NAB1: variants seen among roughly 807,000 people sequenced by gnomAD.
NAB1 encodes NGFI-A binding protein 1, also known as NGFI-A-binding protein 1.
NAB1 carries 25 observed loss-of-function variants against 49.9 expected under a neutral mutation model. That is an observed-to-expected ratio of 0.50 (90% CI 0.37 to 0.70). NAB1 has a LOEUF of 0.70. NAB1 is among the 30% of genes least tolerant of loss of function. The pLI is 0.00. For synonymous variants in NAB1, 198 were observed against 215.6 expected (o/e 0.92, Z 0.71); for missense variants, 489 against 575.9 (o/e 0.85, Z 1.54).
At chr2:190,655,240 C>T (rs1301222886) in intron 2 of NAB1, among the ~76,000 whole-genome samples, 2 of 152,148 alleles carry the variant, frequency 1.3e-5, no homozygotes, top group Admixed American at 6.5e-5. Context: ...GCAAAGTAGA[C>T]GTGTGTGAGA....
chr2:190,673,455 G>A (rs531128230), intron 6 of NAB1, among the ~76,000 whole-genome samples: 8 of 152,110 alleles, frequency 5.3e-5, no homozygotes, highest in Non-Finnish European at 7.4e-5. Flanking sequence ...TCCCTCCTTG[G>A]CCTCCCAAAA....
Position 190,657,092 on chromosome 2 carries a change from G to A in NAB1, c.-20+939G>A, listed in dbSNP as rs1283394795. ...AGCCTATGGAGGAATTGCACGAGGT[G>A]TATGATAGGAAAGTAAATGTCCTTT... On this transcript the variant is annotated intron_variant, in intron 3 of 9. Coordinates refer to ENST00000337386, the MANE Select transcript of NAB1 (RefSeq NM_005966.4). The surrounding 1 kb of genome is among the most constrained non-coding windows in gnomAD (Gnocchi z 4.4). Among the ~76,000 whole-genome samples the A allele has an allele frequency of 1.3e-5, 2 of 152,132 alleles. No individual in the cohort carries two copies. The highest frequency in any genetic ancestry group is 4.1e-4 in the South Asian group (2 of 4,824).
At chr2:190,672,211 A>AT (rs1198592630) in intron 5 of NAB1, among the ~76,000 whole-genome samples, 4 of 152,110 alleles carry the variant, frequency 2.6e-5, no homozygotes, top group African/African-American at 9.7e-5. Context: ...ATGTGCTGTG[A>AT]TTCATTTAGC....
Position 190,683,756 on chromosome 2 carries a change from C to T in NAB1, c.1024C>T (p.Gln342Ter). The part of the protein sequence containing the change: ...IKVEDGFPDF[Q>*]DSVQTLFQQA... ...CCCACAGGATGGGTTTCCAGATTTC[C>T]AGGATTCTGTGCAAACACTCTTCCA... Residue 342 changes from glutamine (Q) to a stop codon, truncating the protein, a stop_gained, in exon 7 of 10, where the codon CAG (glutamine) becomes TAG (stop). Transcript: ENST00000337386. LOFTEE classifies it high-confidence loss of function. The T allele has an allele frequency of 6.2e-7, 1 of 1,612,966 alleles. No individual in the cohort carries two copies. The highest frequency in any genetic ancestry group is 8.5e-7 in the Non-Finnish European group (1 of 1,179,680).
intron 5 of NAB1, 34 bp from the exon 6 acceptor site, chr2:190,673,067 G>GTTTTT: frequency 3.4e-6 from 5 of 1,472,018 alleles, no homozygotes; most frequent in Admixed American, 2.0e-5. Flanking sequence ...ACTTTCTCAA[G>GTTTTT]TTTTTTTTTT....
At chr2:190,683,510 A>G (rs1261899522) in intron 6 of NAB1, among the ~76,000 whole-genome samples, 1 of 151,884 alleles carries the variant, frequency 6.6e-6, no homozygotes, top group Admixed American at 6.6e-5. Flanking sequence ...GTGTAAAACA[A>G]TAGGAATGAT....
rs1695637621 is a variant in NAB1 at position 190,686,963 on chromosome 2, T to C, written c.1259-238T>C. On this transcript the variant is annotated intron_variant, in intron 8 of 9. Coordinates refer to ENST00000337386, the MANE Select transcript of NAB1 (RefSeq NM_005966.4). This position sits in a 1 kb window ranked among gnomAD's most constrained non-coding sequence, Gnocchi z 5.5. The stretch of plus-strand genomic sequence containing the variant: ...ATGCTCACAGGAATTCTCAGTCTTT[T>C]GTTTAGCTCTTAAAAATATCCTGGC... Among the ~76,000 whole-genome samples, 1 of 152,208 alleles carries C rather than the reference T, an allele frequency of 6.6e-6. No homozygotes were observed. Among genetic ancestry groups the C allele is most frequent in the Admixed American group, 6.5e-5 (1 of 15,280 alleles).
At position 190,665,625 on chromosome 2, in the gene NAB1, A is replaced by C. The variant is rs1694477676; in HGVS notation, c.820-4701A>C. On this transcript the variant is annotated intron_variant, in intron 4 of 9. Transcript: ENST00000337386. ...GAGAACATTTGGAGTCCCGGGAAGAAAGTGAATTCCCTAGAGGTTATTTGC... is the reference window on the plus strand; with the variant it reads ...GAGAACATTTGGAGTCCCGGGAAGACAGTGAATTCCCTAGAGGTTATTTGC... 2.6e-5 allele frequency among the ~76,000 whole-genome samples: 4 copies of C among 152,314 alleles called. No homozygotes were observed. In the South Asian group the frequency reaches 8.3e-4, roughly 32 times the overall value.
rs1042923622 is a variant in NAB1, at chr2:190,686,697, A to G, written c.1259-504A>G. The stretch of plus-strand genomic sequence containing the variant: ...ATTCAGTGTGGGGTGACAATTTGCT[A>G]ATGTGATGGATTTCAGTACATGACA... On this transcript the variant is annotated intron_variant, in intron 8 of 9. Coordinates refer to ENST00000337386, the MANE Select transcript of NAB1 (RefSeq NM_005966.4). The surrounding 1 kb of genome is among the most constrained non-coding windows in gnomAD (Gnocchi z 5.5). Among the ~76,000 whole-genome samples the G allele has an allele frequency of 6.6e-6, 1 of 152,194 alleles. No homozygotes were observed. Among genetic ancestry groups the G allele is most frequent in the African/African-American group, 2.4e-5 (1 of 41,454 alleles).
chr2:190,688,836 TC>T (rs1464612019), intron 9 of NAB1, among the ~76,000 whole-genome samples: 1 of 151,566 alleles, frequency 6.6e-6, no homozygotes, highest in Non-Finnish European at 1.5e-5. Flanking sequence ...TCTTTTCTTT[TC>T]TTCCTTTCTT....
In NAB1 at chr2:190,670,218, T is replaced by C. The variant is rs138613043; in HGVS notation, c.820-108T>C. 6.5e-4 allele frequency: 680 copies of C among 1,042,150 alleles called. 1 individual carries two copies. In the African/African-American group the frequency reaches 7.1e-3, roughly 11 times the overall value. 64.6% of individuals were successfully genotyped at this position (1,042,150 alleles called of 1,614,324 possible). On this transcript the variant is annotated intron_variant, in intron 4 of 9. Coordinates refer to ENST00000337386, the MANE Select transcript of NAB1 (RefSeq NM_005966.4). This position sits in a 1 kb window ranked among gnomAD's most constrained non-coding sequence, Gnocchi z 5.3. The stretch of plus-strand genomic sequence containing the variant: ...ATACCATTCTGATTTTTATGAATAA[T>C]GATTCCATTATATAATGGTGTAACA...
rs1695066080 is a variant in NAB1 at position 190,676,262 on chromosome 2, A to G, written c.1005+3110A>G. ...TAGCATGGGCAAAGACAGAGGTAAG[A>G]AAATACTAAGCATGTTCAGAGAACA... On this transcript the variant is annotated intron_variant, in intron 6 of 9. Transcript: ENST00000337386. This position sits in a 1 kb window ranked among gnomAD's most constrained non-coding sequence, Gnocchi z 4.6. Among the ~76,000 whole-genome samples, 1 of 152,208 alleles carries G rather than the reference A, an allele frequency of 6.6e-6. No individual in the cohort carries two copies. Among genetic ancestry groups the G allele is most frequent in the African/African-American group, 2.4e-5 (1 of 41,456 alleles).
intron 4 of NAB1, among the ~76,000 whole-genome samples, chr2:190,660,225 G>A (rs1694152086): frequency 6.9e-6 from 1 of 144,558 alleles, no homozygotes; most frequent in Non-Finnish European, 1.6e-5. Context: ...ACTACAGTAC[G>A]AGGTGACTTT....
At chr2:190,650,577 A>G (rs1281932456) in intron 2 of NAB1, among the ~76,000 whole-genome samples, 1 of 152,172 alleles carries the variant, frequency 6.6e-6, no homozygotes, top group Non-Finnish European at 1.5e-5. Context: ...CTGAATTATG[A>G]TATTTCATAA....
intron 2 of NAB1, among the ~76,000 whole-genome samples, chr2:190,650,565 T>C (rs4371385): frequency 6.6e-6 from 1 of 152,212 alleles, no homozygotes; most frequent in Admixed American, 6.5e-5. Context: ...CTGAACAACA[T>C]ACTGAATTAT....
rs1476829809 is a variant in NAB1, at chr2:190,674,967, G to A, written c.1005+1815G>A. 6.6e-6 allele frequency among the ~76,000 whole-genome samples: 1 copy of A among 152,210 alleles called. No homozygotes were observed. The highest frequency in any genetic ancestry group is 6.5e-5 in the Admixed American group (1 of 15,280). ...GTTTAAGATGGTTAACTCAGAAAAT[G>A]TTGAAATTATCTAAAAGGCTACATT... On this transcript the variant is annotated intron_variant, in intron 6 of 9. Coordinates refer to ENST00000337386, the MANE Select transcript of NAB1 (RefSeq NM_005966.4). The surrounding 1 kb of genome is among the most constrained non-coding windows in gnomAD (Gnocchi z 5.7).
At position 190,649,311 on chromosome 2, in the gene NAB1, TG is replaced by T. The variant is rs1267194762; in HGVS notation, c.-382del. On this transcript the variant is annotated 5_prime_UTR_variant, in exon 1 of 10. The change abolishes the stop of an existing upstream ORF in the 5' untranslated region. Coordinates refer to ENST00000337386, the MANE Select transcript of NAB1 (RefSeq NM_005966.4). The surrounding 1 kb of genome is among the most constrained non-coding windows in gnomAD (Gnocchi z 6.1). ...GGGGCCGTCGCTTCGGAGTTGGGGC[TG>T]AGCAGTCCTCGGGGAGAGCGCGCCA... 6.6e-6 allele frequency: 1 copy of T among 152,050 alleles called. No individual in the cohort carries two copies. The highest frequency in any genetic ancestry group is 1.5e-5 in the Non-Finnish European group (1 of 68,120). 9.4% of individuals were successfully genotyped at this position (152,050 alleles called of 1,614,324 possible).
chr2:190,657,623 A>T lies in NAB1; in HGVS notation c.-20+1470A>T, dbSNP rs1693991251. Among the ~76,000 whole-genome samples the T allele has an allele frequency of 6.6e-6, 1 of 152,244 alleles. No individual in the cohort carries two copies. Among genetic ancestry groups the T allele is most frequent in the Non-Finnish European group, 1.5e-5 (1 of 68,042 alleles). Reference sequence around the variant, plus strand: ...TGCCCATACTAGCCCTTGCAAAGAAAGAGACATAAAATTTGCGGAAGTCAA... The same window carrying T: ...TGCCCATACTAGCCCTTGCAAAGAATGAGACATAAAATTTGCGGAAGTCAA... On this transcript the variant is annotated intron_variant, in intron 3 of 9. Transcript: ENST00000337386. This position sits in a 1 kb window ranked among gnomAD's most constrained non-coding sequence, Gnocchi z 4.4.
chr2:190,664,577 TCTTC>T (rs1694403029), intron 4 of NAB1, among the ~76,000 whole-genome samples: 2 of 139,196 alleles, frequency 1.4e-5, no homozygotes, highest in African/African-American at 5.2e-5. Flanking sequence ...TCTCTTTCTT[TCTTC>T]TTTCCTTTTT....
Sources: gnomAD v4.1 joint callset for allele counts (sites outside exome capture counted in the v4.1 genomes callset) on GRCh38, gnomAD v4.1.1 for gene constraint, Gnocchi (gnomAD v3.1) non-coding constraint, MANE v1.5 for transcripts, NCBI Gene and HGNC (gene_info 2026-07-23, HGNC 2026-07-21) for gene names.